The following BCAS4 variants were observed in gnomAD, a reference collection of about 807,000 sequenced individuals.
The protein encoded by BCAS4 is breast carcinoma amplified sequence 4.
Under a neutral mutation model 15.7 loss-of-function variants are expected in BCAS4, and 9 were observed. The observed-to-expected ratio is 0.57, with a 90% CI of 0.34 to 1.00. BCAS4 has a LOEUF of 1.00. Among genes scored for constraint, BCAS4 ranks in the 50% least tolerant of loss-of-function variants. BCAS4 has a pLI of 0.02. For missense variants in BCAS4, 225 were observed against 239.1 expected, an observed-to-expected ratio of 0.94 and a Z score of 0.39; for synonymous variants, 101 against 99.5, an observed-to-expected ratio of 1.02 and a Z score of -0.09.
chr20:50,867,968 C>T (rs1600903519), intron 4 of BCAS4, among the ~76,000 whole-genome samples: 1 of 152,178 alleles, frequency 6.6e-6, no homozygotes, highest in South Asian at 2.1e-4. Context: ...AGGCATGAGC[C>T]ACCACGCCCA....
At chr20:50,843,339 G>T (rs1169349412) in intron 4 of BCAS4, among the ~76,000 whole-genome samples, 2 of 152,190 alleles carry the variant, frequency 1.3e-5, no homozygotes. Flanking sequence ...GCCATCTTGT[G>T]TGCTGGGTAC....
chr20:50,832,343 C>A (rs759527528), intron 3 of BCAS4, among the ~76,000 whole-genome samples: 8 of 151,988 alleles, frequency 5.3e-5, no homozygotes, highest in South Asian at 2.1e-4. Context: ...CTGCAACCTC[C>A]GCCTCCCGGG....
chr20:50,812,119 T>C (rs959708409), intron 1 of BCAS4, among the ~76,000 whole-genome samples: 3 of 152,046 alleles, frequency 2.0e-5, no homozygotes, highest in Non-Finnish European at 4.4e-5. Context: ...GGATATTGGG[T>C]CGTGTCTACT....
intron 2 of BCAS4, among the ~76,000 whole-genome samples, chr20:50,824,893 A>T (rs1196404542): frequency 1.3e-5 from 2 of 152,138 alleles, no homozygotes; most frequent in African/African-American, 4.8e-5. Context: ...ATATCTTGGC[A>T]TCTGGTTTGG....
At chr20:50,827,668 A>G (rs2088292998) in intron 2 of BCAS4, among the ~76,000 whole-genome samples, 1 of 152,136 alleles carries the variant, frequency 6.6e-6, no homozygotes, top group South Asian at 2.1e-4. Flanking sequence ...CTGGTGCTAC[A>G]AGATGCTCCA....
At position 50,795,125 on chromosome 20, in the gene BCAS4, CG is replaced by C; in HGVS notation, c.46del (p.Ala16ArgfsTer8). On this transcript the variant is annotated frameshift_variant, in exon 1 of 5. Transcript: ENST00000371608. LOFTEE classifies it high-confidence loss of function. ...CTGATCAGCCGGAGCCCATGCGCAG[CG>C]GGGCGCGCGAGCTCGCGCTCTTCCT... ...DADQPEPMRS[G>X]ARELALFLTP... 6.7e-7 allele frequency: 1 copy of C among 1,484,562 alleles called. No homozygotes were observed. Among genetic ancestry groups the C allele is most frequent in the East Asian group, 2.8e-5 (1 of 35,928 alleles). The allele number at this position is 1,484,562 out of a possible 1,614,324, so 92.0% of individuals were successfully genotyped here.
At position 50,834,230 on chromosome 20, in the gene BCAS4, C is replaced by G. The variant is rs563197214; in HGVS notation, c.264+3850C>G. ...TTATTCTTTTTTTGATTCATTCATT[C>G]ATTCATTCATTGTAGAGACCGGGGC... is the stretch of plus-strand genomic sequence containing the variant. On this transcript the variant is annotated intron_variant, in intron 3 of 4. Coordinates refer to ENST00000371608, the MANE Select transcript of BCAS4 (RefSeq NM_198799.4). Among the ~76,000 whole-genome samples the G allele has an allele frequency of 6.5e-4, 98 of 151,524 alleles. 1 individual carries two copies. Among genetic ancestry groups the G allele is most frequent in the African/African-American group, 2.2e-3 (90 of 41,354 alleles).
At chr20:50,842,416 G>A (rs1258364825) in intron 4 of BCAS4, among the ~76,000 whole-genome samples, 7 of 152,190 alleles carry the variant, frequency 4.6e-5, no homozygotes, top group Admixed American at 2.6e-4. Flanking sequence ...AGGATCATGT[G>A]TCCTTTTTGT....
At chr20:50,856,296 G>A (rs1463777820) in intron 4 of BCAS4, among the ~76,000 whole-genome samples, 1 of 152,206 alleles carries the variant, frequency 6.6e-6, no homozygotes, top group East Asian at 1.9e-4. Context: ...TTTCTGCTGG[G>A]AAAATAAACC....
rs144882687 is a variant in BCAS4, at chr20:50,840,671, T to G, written c.265-1095T>G. 2,289 of 1,613,270 alleles carry G rather than the reference T, an allele frequency of 1.4e-3. 40 individuals carry two copies. The African/African-American group carries it at 0.028, about 20-fold the overall frequency. On this transcript the variant is annotated intron_variant, in intron 3 of 4. Coordinates refer to ENST00000371608, the MANE Select transcript of BCAS4 (RefSeq NM_198799.4). ...ATCGTTTCTTTGGAAGGCAGTGGAT[T>G]TTTCTCTTGCGTCTCTGTCTTCTTC...
rs758662294 is a variant in BCAS4, at chr20:50,857,218, GC to G, written c.399+15320del. ...GCGATCTCAGCTCACCGCAACCTGGGCCTCCCGGGTTCAAGCAATTTTCCTG... is the reference window on the plus strand; with the variant it reads ...GCGATCTCAGCTCACCGCAACCTGGGCTCCCGGGTTCAAGCAATTTTCCTG... On this transcript the variant is annotated intron_variant, in intron 4 of 4. Transcript: ENST00000371608. Among the ~76,000 whole-genome samples, 70 of 152,284 alleles carry G rather than the reference GC, an allele frequency of 4.6e-4. No individual in the cohort carries two copies. In the East Asian group the frequency reaches 0.013, roughly 27 times the overall value.
At chr20:50,815,121 G>A (rs1274471792) in intron 1 of BCAS4, among the ~76,000 whole-genome samples, 1 of 152,176 alleles carries the variant, frequency 6.6e-6, no homozygotes, top group African/African-American at 2.4e-5. Context: ...GGATCCAGTG[G>A]CAGTGAAATG....
intron 2 of BCAS4, among the ~76,000 whole-genome samples, chr20:50,820,603 C>T (rs1024711889): frequency 6.6e-6 from 1 of 152,172 alleles, no homozygotes; most frequent in Non-Finnish European, 1.5e-5. Context: ...CCCATCCCGT[C>T]ATCCACATGG....
At chr20:50,871,941 T>C (rs1239441226) in intron 4 of BCAS4, among the ~76,000 whole-genome samples, 1 of 151,702 alleles carries the variant, frequency 6.6e-6, no homozygotes, top group African/African-American at 2.4e-5. Context: ...GGATGGGGAG[T>C]TGGGCACAAG....
At chr20:50,823,961 G>T (rs1348078694) in intron 2 of BCAS4, among the ~76,000 whole-genome samples, 1 of 152,098 alleles carries the variant, frequency 6.6e-6, no homozygotes, top group African/African-American at 2.4e-5. Context: ...AAAGATCGTT[G>T]CTGAGCACAG....
chr20:50,841,026 C>T (rs2088474039), intron 3 of BCAS4: 1 of 376,332 alleles, frequency 2.7e-6, no homozygotes, highest in African/African-American at 2.1e-5. Flanking sequence ...GACGCAGTTT[C>T]ACCATGTTGG....
At chr20:50,831,365 A>G (rs929098816) in intron 3 of BCAS4, among the ~76,000 whole-genome samples, 1 of 151,934 alleles carries the variant, frequency 6.6e-6, no homozygotes, top group African/African-American at 2.4e-5. Context: ...GTGAGCCAAG[A>G]TTGCACCACT....
intron 1 of BCAS4, among the ~76,000 whole-genome samples, chr20:50,803,317 A>G: frequency 6.6e-6 from 1 of 152,262 alleles, no homozygotes; most frequent in East Asian, 1.9e-4. Context: ...CATGCACAGC[A>G]GCGTTCAGCA....
intron 4 of BCAS4, among the ~76,000 whole-genome samples, chr20:50,845,545 G>T (rs1600881625): frequency 6.6e-6 from 1 of 152,130 alleles, no homozygotes; most frequent in Non-Finnish European, 1.5e-5. Context: ...GGTCTGAGAG[G>T]CCCAGGCAGC....
Sources: allele counts gnomAD v4.1 joint callset (sites outside exome capture counted in the v4.1 genomes callset), GRCh38; gene constraint gnomAD v4.1.1; transcripts MANE v1.5; gene names NCBI Gene and HGNC (gene_info 2026-07-23, HGNC 2026-07-21).